KCNK12: variants seen among roughly 807,000 people sequenced by gnomAD.
KCNK12 encodes the protein potassium channel subfamily K member 12.
In KCNK12, 6 loss-of-function variants were observed where a neutral mutation model predicts 25.3. The observed-to-expected ratio is 0.24, with a 90% CI of 0.13 to 0.47. The LOEUF (loss-of-function observed/expected upper bound fraction) is 0.47, where lower values mean the gene tolerates loss of function less well. Among genes scored for constraint, KCNK12 ranks in the 20% least tolerant of loss-of-function variants. The pLI, the probability that KCNK12 is intolerant of heterozygous loss-of-function variation, is 0.99. For synonymous variants in KCNK12, 331 were observed against 311.1 expected, an observed-to-expected ratio of 1.06 and a Z score of -0.67; for missense variants, 444 against 661.7, an observed-to-expected ratio of 0.67 and a Z score of 3.61.
At position 47,540,088 on chromosome 2, in the gene KCNK12, G is replaced by C. The variant is rs553093971; in HGVS notation, c.392-18280C>G. Among the ~76,000 whole-genome samples the C allele has an allele frequency of 6.6e-6, 1 of 152,192 alleles. No homozygotes were observed. The highest frequency in any genetic ancestry group is 1.5e-5 in the Non-Finnish European group (1 of 68,042). On this transcript the variant is annotated intron_variant, in intron 1 of 1. Coordinates refer to ENST00000327876, the MANE Select transcript of KCNK12 (RefSeq NM_022055.2). The surrounding 1 kb of genome is among the most constrained non-coding windows in gnomAD (Gnocchi z 5.4). ...GATCAGAGGGGAGGGGACAGCTGGCGGATTTAGCAGAGTACGTGGCACAGA... is the reference window on the plus strand; with the variant it reads ...GATCAGAGGGGAGGGGACAGCTGGCCGATTTAGCAGAGTACGTGGCACAGA...
intron 1 of KCNK12, chr2:47,564,518 T>C (rs984610532): frequency 9.4e-6 from 2 of 212,836 alleles, no homozygotes; most frequent in Non-Finnish European, 1.9e-5. Context: ...AAAATTAGAC[T>C]ACGTGAAAAC....
intron 1 of KCNK12, among the ~76,000 whole-genome samples, chr2:47,537,688 T>C (rs892453605): frequency 2.0e-5 from 3 of 152,334 alleles, no homozygotes; most frequent in Admixed American, 2.0e-4. Context: ...TTTTCTGTGG[T>C]GCAAATAGGA....
chr2:47,550,160 T>C (rs149080586), intron 1 of KCNK12, among the ~76,000 whole-genome samples: 49 of 152,080 alleles, frequency 3.2e-4, no homozygotes, highest in African/African-American at 1.1e-3. Flanking sequence ...AAAGAGAGGA[T>C]AGGGTAGCAA....
chr2:47,553,593 T>TA (rs1402396206), intron 1 of KCNK12, among the ~76,000 whole-genome samples: 1 of 152,232 alleles, frequency 6.6e-6, no homozygotes, highest in East Asian at 1.9e-4. Flanking sequence ...CAGTTTAGAC[T>TA]AACGAGGTTG....
chr2:47,532,753 A>G (rs13003520), intron 1 of KCNK12, among the ~76,000 whole-genome samples: 1 of 152,190 alleles, frequency 6.6e-6, no homozygotes, highest in African/African-American at 2.4e-5. Flanking sequence ...ATCCAAGCCT[A>G]GCACCTGGCA....
chr2:47,544,157 C>T (rs1407913504), intron 1 of KCNK12, among the ~76,000 whole-genome samples: 1 of 152,220 alleles, frequency 6.6e-6, no homozygotes, highest in Non-Finnish European at 1.5e-5. Flanking sequence ...ACGTCAGACA[C>T]ACAGACACAC....
chr2:47,559,494 C>T (rs1405700428), intron 1 of KCNK12, among the ~76,000 whole-genome samples: 2 of 152,212 alleles, frequency 1.3e-5, no homozygotes, highest in Non-Finnish European at 2.9e-5. Context: ...CTACTTTGTG[C>T]CAAGTATTAT....
At chr2:47,526,671 T>G (rs1668786551) in intron 1 of KCNK12, among the ~76,000 whole-genome samples, 2 of 152,078 alleles carry the variant, frequency 1.3e-5, no homozygotes, top group Non-Finnish European at 2.9e-5. Flanking sequence ...AGGCAGAGGT[T>G]GCAGTGAGCC....
intron 1 of KCNK12, chr2:47,564,595 C>A (rs763719654): frequency 2.1e-5 from 4 of 190,220 alleles, no homozygotes; most frequent in Non-Finnish European, 4.4e-5. Context: ...CAGTTAGTTT[C>A]CTTTCTTTTT....
chr2:47,543,383 C>A (rs1392419023), intron 1 of KCNK12: 1 of 151,996 alleles, frequency 6.6e-6, no homozygotes, highest in Non-Finnish European at 1.5e-5. Context: ...TTCACAACCA[C>A]CTAGTGAGGT....
chr2:47,533,541 C>T lies in KCNK12; in HGVS notation c.392-11733G>A, dbSNP rs543050388. On this transcript the variant is annotated intron_variant, in intron 1 of 1. Transcript: ENST00000327876. The surrounding 1 kb of genome is among the most constrained non-coding windows in gnomAD (Gnocchi z 4.7). Reference sequence around the variant, plus strand: ...GATTTCCATGGCAGGGAAATGCCCCCGTAGGCACAGTCAAGCCTGGCTCTA... The same window carrying T: ...GATTTCCATGGCAGGGAAATGCCCCTGTAGGCACAGTCAAGCCTGGCTCTA... Among the ~76,000 whole-genome samples the T allele has an allele frequency of 8.9e-4, 136 of 152,282 alleles. No homozygotes were observed. The Middle Eastern group carries it at 0.01, about 11-fold the overall frequency.
rs1178113753 is a variant in KCNK12, at chr2:47,569,018, GTGGA to G, written c.391+919_391+922del. On this transcript the variant is annotated intron_variant, in intron 1 of 1. Transcript: ENST00000327876. The surrounding 1 kb of genome is among the most constrained non-coding windows in gnomAD (Gnocchi z 4.1). ...GAGAGGAAGAAAGAGGAATGAAGGG[GTGGA>G]TGGAGAGCAGGGGTGGCTCCAGAAT... Among the ~76,000 whole-genome samples, 1 of 152,086 alleles carries G rather than the reference GTGGA, an allele frequency of 6.6e-6. No homozygotes were observed. The highest frequency in any genetic ancestry group is 2.4e-5 in the African/African-American group (1 of 41,394).
chr2:47,535,284 G>A (rs778060358), intron 1 of KCNK12: 17 of 233,044 alleles, frequency 7.3e-5, no homozygotes, highest in Non-Finnish European at 1.2e-4. Context: ...CTGCTAGCCC[G>A]ACCTGCACCT....
rs369656377 is a variant in KCNK12, at chr2:47,569,903, C to A, written c.391+38G>T. 3 of 1,322,108 alleles carry A rather than the reference C, an allele frequency of 2.3e-6. No homozygotes were observed. The South Asian group carries it at 6.2e-5, about 27-fold the overall frequency. The allele number at this position is 1,322,108 out of a possible 1,614,324, so 81.9% of individuals were successfully genotyped here. Reference sequence around the variant, plus strand: ...AGTGGAAAGGGCGGCAGGTGAAAGGCACAGAGAGGAAAGATGCGCGGGGGA... The same window carrying A: ...AGTGGAAAGGGCGGCAGGTGAAAGGAACAGAGAGGAAAGATGCGCGGGGGA... On this transcript the variant is annotated intron_variant, in intron 1 of 1. Transcript: ENST00000327876. This position sits in a 1 kb window ranked among gnomAD's most constrained non-coding sequence, Gnocchi z 4.1.
chr2:47,514,130 C>T lies in KCNK12; in HGVS notation c.*6777G>A, dbSNP rs1285825184. On this transcript the variant is annotated 3_prime_UTR_variant, in exon 2 of 2. Transcript: ENST00000327876. The surrounding 1 kb of genome is among the most constrained non-coding windows in gnomAD (Gnocchi z 5.0). Reference sequence around the variant, plus strand: ...ACAGTTCCCCCAACAAGGCCCTGCTCTGTTCTTCCCACACACTGCTCCTCT... The same window carrying T: ...ACAGTTCCCCCAACAAGGCCCTGCTTTGTTCTTCCCACACACTGCTCCTCT... Among the ~76,000 whole-genome samples, 52 of 152,226 alleles carry T rather than the reference C, an allele frequency of 3.4e-4. No individual in the cohort carries two copies. The highest frequency in any genetic ancestry group is 1.5e-5 in the Non-Finnish European group (1 of 68,042).
In KCNK12 at chr2:47,569,888, G is replaced by A. The variant is rs373600792; in HGVS notation, c.391+53C>T. 7.8e-7 allele frequency: 1 copy of A among 1,280,730 alleles called. No homozygotes were observed. 79.3% of individuals were successfully genotyped at this position (1,280,730 alleles called of 1,614,324 possible). The stretch of plus-strand genomic sequence containing the variant: ...ACCGAGCGGCCGAGCAGTGGAAAGG[G>A]CGGCAGGTGAAAGGCACAGAGAGGA... On this transcript the variant is annotated intron_variant, in intron 1 of 1. Transcript: ENST00000327876. The surrounding 1 kb of genome is among the most constrained non-coding windows in gnomAD (Gnocchi z 4.1).
rs1668500829 is a variant in KCNK12, at chr2:47,515,346, A to G, written c.*5561T>C. 6.6e-6 allele frequency among the ~76,000 whole-genome samples: 1 copy of G among 152,232 alleles called. No individual in the cohort carries two copies. The highest frequency in any genetic ancestry group is 2.4e-5 in the African/African-American group (1 of 41,468). On this transcript the variant is annotated 3_prime_UTR_variant, in exon 2 of 2. Transcript: ENST00000327876. ...GACCAGCATTAACCTATTTATGCCT[A>G]GCGTTCCCTTATTGGAACACTAAGT... is the stretch of plus-strand genomic sequence containing the variant.
rs1041087675 is a variant in KCNK12, at chr2:47,534,524, C to CT, written c.392-12717_392-12716insA. On this transcript the variant is annotated intron_variant, in intron 1 of 1. Transcript: ENST00000327876. ...ATCACTGCCCCTTCTAACCCCCCCC[C>CT]CCGCCCCCACACACAGAAAGAGCAG... Among the ~76,000 whole-genome samples the CT allele has an allele frequency of 9.4e-5, 12 of 127,844 alleles. 1 individual carries two copies. Among genetic ancestry groups the CT allele is most frequent in the East Asian group, 3.0e-4 (1 of 3,300 alleles). 83.9% of individuals were successfully genotyped at this position (127,844 alleles called of 152,430 possible).
intron 1 of KCNK12, among the ~76,000 whole-genome samples, chr2:47,526,747 AC>A (rs1471580669): frequency 1.3e-5 from 2 of 151,970 alleles, no homozygotes; most frequent in African/African-American, 2.4e-5. Flanking sequence ...ACAAACAAAA[AC>A]CCCAAAACAC....
Sources: allele counts gnomAD v4.1 joint callset (sites outside exome capture counted in the v4.1 genomes callset), GRCh38; gene constraint gnomAD v4.1.1; non-coding constraint Gnocchi (gnomAD v3.1); transcripts MANE v1.5; gene names NCBI Gene and HGNC (gene_info 2026-07-23, HGNC 2026-07-21).